Variants in CAPN7 observed in about 807,000 individuals in gnomAD.
The protein encoded by CAPN7 is calpain 7.
In CAPN7, 72 loss-of-function variants were observed where a neutral mutation model predicts 115.2. The ratio of observed to expected loss-of-function variants is 0.63; its 90% CI spans 0.52 to 0.76. CAPN7 has a LOEUF of 0.76. Among genes scored for constraint, CAPN7 ranks in the 30% least tolerant of loss-of-function variants. The probability of loss-of-function intolerance (pLI) is 0.00; values close to 1 mark genes in which losing one functional copy is unlikely to be tolerated. For synonymous variants in CAPN7, 344 were observed against 322.3 expected (o/e 1.07, Z -0.72); for missense variants, 905 against 971.5 (o/e 0.93, Z 0.91).
At chr3:15,228,889 A>T in intron 7 of CAPN7, 85 bp from the exon 8 acceptor site, 1 of 944,550 alleles carries the variant, frequency 1.1e-6, no homozygotes, top group Non-Finnish European at 1.7e-6. Flanking sequence ...TATAAAAAGT[A>T]GGTACTTGGG....
chr3:15,210,481 C>T (rs747355157), intron 1 of CAPN7, among the ~76,000 whole-genome samples: 4 of 143,954 alleles, frequency 2.8e-5, no homozygotes, highest in Admixed American at 6.6e-5. Flanking sequence ...ATACTTTCCT[C>T]CTCTGAAATA....
chr3:15,228,546 G>C (rs1214742400), intron 7 of CAPN7, among the ~76,000 whole-genome samples: 1 of 152,172 alleles, frequency 6.6e-6, no homozygotes, highest in Non-Finnish European at 1.5e-5. Context: ...AAGAGAACGA[G>C]ATGTCTTTTG....
At chr3:15,217,713 T>C (rs1054479693) in intron 3 of CAPN7, 131 bp downstream of exon 3, 1 of 625,976 alleles carries the variant, frequency 1.6e-6, no homozygotes, top group Non-Finnish European at 2.5e-6. Context: ...ATGTAACAAC[T>C]ACTCCTCAAT....
Position 15,247,394 on chromosome 3 carries a change from A to G in CAPN7, c.2141A>G (p.Asn714Ser). 1 of 1,611,818 alleles carries G rather than the reference A, an allele frequency of 6.2e-7. No individual in the cohort carries two copies. The highest frequency in any genetic ancestry group is 8.5e-7 in the Non-Finnish European group (1 of 1,178,728). The change falls in exon 19 of 21, where the codon AAC (asparagine) becomes AGC (serine). Residue 714 changes from asparagine to serine, a missense_variant. Around this residue, in one of 3 missense-constraint regions of CAPN7, gnomAD observed 620 missense variants for 703.4 expected, o/e 0.88. Transcript: ENST00000253693. Reference sequence around the variant, plus strand: ...AATTTCCAAGAGACTCACAAAAATAACCCCATCTACCAATTCCATATAGAA... The same window carrying G: ...AATTTCCAAGAGACTCACAAAAATAGCCCCATCTACCAATTCCATATAGAA... ...CGNFQETHKN[N>S]PIYQFHIEKT... is the part of the protein sequence containing the mutation.
chr3:15,233,823 C>A, intron 10 of CAPN7, 44 bp from the exon 11 acceptor site: 1 of 1,031,878 alleles, frequency 9.7e-7, no homozygotes, highest in Non-Finnish European at 1.5e-6. Context: ...GATTTAAGAA[C>A]TTGAAAATGA....
chr3:15,222,090 A>G (rs1030712417), intron 5 of CAPN7, among the ~76,000 whole-genome samples: 15 of 151,792 alleles, frequency 9.9e-5, no homozygotes, highest in East Asian at 5.8e-4. Context: ...AAAAAAGAAT[A>G]TATGACAGAA....
At chr3:15,217,967 A>T (rs190842406) in intron 3 of CAPN7, among the ~76,000 whole-genome samples, 1 of 152,190 alleles carries the variant, frequency 6.6e-6, no homozygotes. Context: ...TAAAATCTGT[A>T]TGCTGAGTGG....
At position 15,251,007 on chromosome 3, in the gene CAPN7, T is replaced by A; in HGVS notation, c.2281T>A (p.Ser761Thr). ...TGGTCCCCATGGCTTTCTGAGGAAA[T>A]CTAGTGGTGACTATAGGTAATGTTG... is the stretch of plus-strand genomic sequence containing the variant. ...DPGPHGFLRK[S>T]SGDYRCGFCY... The change falls in exon 20 of 21, where the codon TCT becomes ACT. Residue 761 changes from serine (S) to threonine (T), a missense_variant. Physicochemically the swap from Ser to Thr is moderately conservative, Grantham distance 58. This residue lies in a region of CAPN7 where 620 missense variants were observed against 703.4 expected (regional missense o/e 0.88). Coordinates refer to ENST00000253693, the MANE Select transcript of CAPN7 (RefSeq NM_014296.3). 1 of 1,613,152 alleles carries A rather than the reference T, an allele frequency of 6.2e-7. No individual in the cohort carries two copies. Among genetic ancestry groups the A allele is most frequent in the Non-Finnish European group, 8.5e-7 (1 of 1,179,202 alleles).
intron 15 of CAPN7, 102 bp downstream of exon 15, chr3:15,241,690 G>C: frequency 1.1e-6 from 1 of 896,992 alleles, no homozygotes. Flanking sequence ...AATTTACATA[G>C]GTGCCCTGAG....
intron 18 of CAPN7, 152 bp from the exon 19 acceptor site, chr3:15,247,175 G>T: frequency 1.7e-6 from 1 of 602,436 alleles, no homozygotes; most frequent in Non-Finnish European, 2.9e-6. Flanking sequence ...AAAGCAGCCT[G>T]GCTGTCAGCA....
Position 15,251,634 on chromosome 3 carries a change from A to C in CAPN7, c.*374A>C, listed in dbSNP as rs1358485989. ...AAAGGATATAGATTCCTTGAGTGGA[A>C]TAGTGGGCTAGATTAATATACCGAA... On this transcript the variant is annotated 3_prime_UTR_variant, in exon 21 of 21. Coordinates refer to ENST00000253693, the MANE Select transcript of CAPN7 (RefSeq NM_014296.3). The C allele has an allele frequency of 6.2e-6, 1 of 160,382 alleles. No individual in the cohort carries two copies. Among genetic ancestry groups the C allele is most frequent in the Non-Finnish European group, 1.4e-5 (1 of 73,468 alleles). The allele number at this position is 160,382 out of a possible 1,614,324, so 9.9% of individuals were successfully genotyped here.
chr3:15,243,857 G>T (rs1487285853), intron 16 of CAPN7, among the ~76,000 whole-genome samples: 7 of 152,150 alleles, frequency 4.6e-5, no homozygotes, highest in Non-Finnish European at 1.0e-4. Context: ...TAATACGTGG[G>T]TGATGAAATA....
chr3:15,221,616 C>G (rs1176084827), intron 5 of CAPN7, among the ~76,000 whole-genome samples: 1 of 152,074 alleles, frequency 6.6e-6, no homozygotes, highest in Non-Finnish European at 1.5e-5. Context: ...TAGCAGACCA[C>G]TCTTAATCTA....
chr3:15,226,456 T>C (rs979531275), intron 6 of CAPN7, among the ~76,000 whole-genome samples: 1 of 152,204 alleles, frequency 6.6e-6, no homozygotes, highest in Non-Finnish European at 1.5e-5. Flanking sequence ...AGAACAAATA[T>C]TATGGAATCT....
At chr3:15,206,870 C>G (rs1011462194) in intron 1 of CAPN7, among the ~76,000 whole-genome samples, 1 of 152,362 alleles carries the variant, frequency 6.6e-6, no homozygotes, top group Middle Eastern at 3.4e-3. Flanking sequence ...CTTTGGGGGG[C>G]AGGTGTTAGA....
intron 12 of CAPN7, among the ~76,000 whole-genome samples, chr3:15,238,299 A>C (rs1229277460): frequency 6.6e-6 from 1 of 151,480 alleles, no homozygotes; most frequent in Non-Finnish European, 1.5e-5. Context: ...TATTTTTAGT[A>C]GAGACAGGGT....
chr3:15,213,153 C>G (rs1363411261), intron 2 of CAPN7, among the ~76,000 whole-genome samples: 1 of 152,190 alleles, frequency 6.6e-6, no homozygotes, highest in African/African-American at 2.4e-5. Context: ...AAGGAACTTT[C>G]TTTTCCCAGC....
At chr3:15,233,727 T>C (rs1394082287) in intron 10 of CAPN7, 140 bp from the exon 11 acceptor site, 2 of 579,460 alleles carry the variant, frequency 3.5e-6, no homozygotes, top group African/African-American at 2.0e-5. Context: ...ATAAGAAATA[T>C]ATTACTAGTT....
In CAPN7 at chr3:15,238,849, A is replaced by ATTTTTT. The variant is rs59838740; in HGVS notation, c.1408-1605_1408-1600dup. Among the ~76,000 whole-genome samples, 135 of 113,972 alleles carry ATTTTTT rather than the reference A, an allele frequency of 1.2e-3. 3 individuals carry two copies. Among genetic ancestry groups the ATTTTTT allele is most frequent in the African/African-American group, 3.4e-3 (89 of 25,842 alleles). 74.8% of individuals were successfully genotyped at this position (113,972 alleles called of 152,430 possible). On this transcript the variant is annotated intron_variant, in intron 12 of 20. Transcript: ENST00000253693. ...AAATTGGATGCTTCAGCAAAATCAA[A>ATTTTTT]TTTTTTTTTTTTTTTTTTTTTTTTG...
Sources: gnomAD v4.1 joint callset for allele counts (sites outside exome capture counted in the v4.1 genomes callset) on GRCh38, gnomAD v4.1.1 for gene constraint, gnomAD v4.1.1 regional missense constraint, MANE v1.5 for transcripts, NCBI Gene and HGNC (gene_info 2026-07-23, HGNC 2026-07-21) for gene names.